AKIP1: variants seen among roughly 807,000 people sequenced by gnomAD.
AKIP1 encodes the protein A-kinase interacting protein 1, also known as A-kinase-interacting protein 1.
Under a neutral mutation model 22.3 loss-of-function variants are expected in AKIP1, and 18 were observed. The observed-to-expected ratio is 0.81, with a 90% confidence interval of 0.56 to 1.19. The LOEUF (loss-of-function observed/expected upper bound fraction) is 1.19. Among genes scored for constraint, AKIP1 ranks in the 50% most tolerant of loss-of-function variants. The pLI is 0.00. For synonymous variants in AKIP1, 120 were observed against 102.7 expected (o/e 1.17, Z -1.02); for missense variants, 287 against 264.6 (o/e 1.08, Z -0.59).
intron 3 of AKIP1, 55 bp downstream of exon 3, chr11:8,912,588 G>C: frequency 1.4e-6 from 2 of 1,472,110 alleles, no homozygotes; most frequent in Non-Finnish European, 1.9e-6. Context: ...GACCACATTT[G>C]GATCTTTCTG....
In AKIP1 at chr11:8,919,554, A is replaced by G. The variant is rs2064545747; in HGVS notation, c.*74A>G. On this transcript the variant is annotated 3_prime_UTR_variant, in exon 6 of 6. Coordinates refer to ENST00000309377, the MANE Select transcript of AKIP1 (RefSeq NM_020642.4). Reference sequence around the variant, plus strand: ...AAAGCCACTGTATGATTCTCTTAATAGCTATACATTAATCCTGTTTTTAGT... The same window carrying G: ...AAAGCCACTGTATGATTCTCTTAATGGCTATACATTAATCCTGTTTTTAGT... 6.6e-7 allele frequency: 1 copy of G among 1,507,228 alleles called. No individual in the cohort carries two copies. Among genetic ancestry groups the G allele is most frequent in the Non-Finnish European group, 9.1e-7 (1 of 1,103,702 alleles). 93.4% of individuals were successfully genotyped at this position (1,507,228 alleles called of 1,614,324 possible).
rs1566108510 is a variant in AKIP1, at chr11:8,919,537, T to C, written c.*57T>C. 1.3e-6 allele frequency: 2 copies of C among 1,567,782 alleles called. No individual in the cohort carries two copies. The highest frequency in any genetic ancestry group is 1.7e-6 in the Non-Finnish European group (2 of 1,149,542). On this transcript the variant is annotated 3_prime_UTR_variant, in exon 6 of 6. Transcript: ENST00000309377. ...TTTTAAGTAGTAAGAATAAAGCCAC[T>C]GTATGATTCTCTTAATAGCTATACA...
rs2064539561 is a variant in AKIP1 at position 8,919,347 on chromosome 11, T to TAGA, written c.500_501insAGA (p.Ile167_Ser168insAsp). ...CTCTTTTCCTTCTAGGCTGAGAACA[T>TAGA]CTCTAAGGACCTCTACATAGAAGTA... On this transcript the variant is annotated inframe_insertion, in exon 6 of 6. Transcript: ENST00000309377. The TAGA allele has an allele frequency of 6.2e-7, 1 of 1,613,116 alleles. No homozygotes were observed. Among genetic ancestry groups the TAGA allele is most frequent in the East Asian group, 2.2e-5 (1 of 44,868 alleles).
chr11:8,919,198 C>G, intron 5 of AKIP1, 139 bp from the exon 6 acceptor site: 1 of 771,318 alleles, frequency 1.3e-6, no homozygotes. Flanking sequence ...GCAGGCTGAG[C>G]CTTGAAAGCA....
rs539502558 is a variant in AKIP1 at position 8,911,746 on chromosome 11, C to T, written c.222+75C>T. 1.2e-5 allele frequency: 16 copies of T among 1,386,772 alleles called. No individual in the cohort carries two copies. In the East Asian group the frequency reaches 3.8e-4, roughly 33 times the overall value. 85.9% of individuals were successfully genotyped at this position (1,386,772 alleles called of 1,614,324 possible). On this transcript the variant is annotated intron_variant, in intron 2 of 5. Transcript: ENST00000309377. ...CCCGCTGGGAGCCAGGGGTGCGCAG[C>T]GCAGAAGCAGCTGAGGAAACCTTCC...
intron 3 of AKIP1, among the ~76,000 whole-genome samples, chr11:8,912,818 CT>C (rs1173979356): frequency 6.8e-6 from 1 of 147,144 alleles, no homozygotes; most frequent in African/African-American, 2.5e-5. Context: ...GGGAAAATAG[CT>C]TATTTGCCGA....
chr11:8,911,896 T>TAAAA (rs34044522), intron 2 of AKIP1, among the ~76,000 whole-genome samples: 14 of 144,846 alleles, frequency 9.7e-5, no homozygotes, highest in African/African-American at 2.5e-4. Flanking sequence ...GTTGGTTACT[T>TAAAA]AAAAAAAAAA....
At chr11:8,913,268 C>T (rs1481900064) in intron 3 of AKIP1, among the ~76,000 whole-genome samples, 1 of 150,354 alleles carries the variant, frequency 6.7e-6, no homozygotes, top group African/African-American at 2.5e-5. Context: ...GCAACCCCTA[C>T]CTCCTGGCCT....
intron 3 of AKIP1, among the ~76,000 whole-genome samples, chr11:8,912,805 G>T (rs931962760): frequency 6.6e-6 from 1 of 151,668 alleles, no homozygotes; most frequent in Non-Finnish European, 1.5e-5. Context: ...TCAGTCTAGT[G>T]GGGGGAAAAT....
intron 3 of AKIP1, 24 bp from the exon 4 acceptor site, chr11:8,914,802 A>C: frequency 6.4e-7 from 1 of 1,565,200 alleles, no homozygotes; most frequent in Non-Finnish European, 8.8e-7. Flanking sequence ...TGGTTAGCTA[A>C]CATCTTTGAC....
chr11:8,915,819 CTTTT>C (rs1258666817), intron 4 of AKIP1, among the ~76,000 whole-genome samples: 4 of 124,018 alleles, frequency 3.2e-5, no homozygotes, highest in South Asian at 5.6e-4. Flanking sequence ...ATTTTTCTTT[CTTTT>C]TTTTTTTTTT....
rs904497002 is a variant in AKIP1 at position 8,919,653 on chromosome 11, T to G, written c.*173T>G. The G allele has an allele frequency of 1.3e-4, 88 of 682,982 alleles. No homozygotes were observed. The highest frequency in any genetic ancestry group is 1.8e-4 in the Non-Finnish European group (75 of 420,222). The allele number at this position is 682,982 out of a possible 1,614,324, so 42.3% of individuals were successfully genotyped here. On this transcript the variant is annotated 3_prime_UTR_variant, in exon 6 of 6. Transcript: ENST00000309377. ...TTTTTTGTTTGTTTGGTTGGTTTTTTTTTGAGACAGTCTCACTCTGTTGCC... is the reference window on the plus strand; with the variant it reads ...TTTTTTGTTTGTTTGGTTGGTTTTTGTTTGAGACAGTCTCACTCTGTTGCC...
chr11:8,911,234 T>C lies in AKIP1; in HGVS notation c.-7+11T>C. The stretch of plus-strand genomic sequence containing the variant: ...TGACGAGTGAGCCGGGTGAGGGGGC[T>C]CCCTAAGTAGCGGAAGGGGTAGATG... On this transcript the variant is annotated intron_variant, in intron 1 of 5. Coordinates refer to ENST00000309377, the MANE Select transcript of AKIP1 (RefSeq NM_020642.4). The C allele has an allele frequency of 1.8e-6, 1 of 563,618 alleles. No homozygotes were observed. The highest frequency in any genetic ancestry group is 2.3e-5 in the South Asian group (1 of 43,876). The allele number at this position is 563,618 out of a possible 1,614,324, so 34.9% of individuals were successfully genotyped here. A position where few individuals can be genotyped will look rare whatever the true frequency, so the allele number is the denominator to read the frequency against.
intron 2 of AKIP1, 119 bp downstream of exon 2, chr11:8,911,790 G>C (rs1287216620): frequency 1.8e-5 from 18 of 1,028,016 alleles, no homozygotes; most frequent in Non-Finnish European, 2.5e-5. Flanking sequence ...AAGCTGGAAA[G>C]GATCAGAACA....
chr11:8,911,715 C>T, intron 2 of AKIP1, 44 bp downstream of exon 2: 2 of 1,456,572 alleles, frequency 1.4e-6, no homozygotes, highest in Non-Finnish European at 9.1e-7. Context: ...CTTCGCGCCG[C>T]GGTAGCCCGC....
chr11:8,912,780 G>C (rs1365154769), intron 3 of AKIP1, among the ~76,000 whole-genome samples: 1 of 151,468 alleles, frequency 6.6e-6, no homozygotes, highest in Non-Finnish European at 1.5e-5. Flanking sequence ...AAGGTCTTCT[G>C]CCCTCAGTGA....
chr11:8,916,268 A>G (rs1178880817), intron 4 of AKIP1, among the ~76,000 whole-genome samples: 1 of 152,118 alleles, frequency 6.6e-6, no homozygotes, highest in Non-Finnish European at 1.5e-5. Flanking sequence ...TGTCTTTCAT[A>G]ATTTTTAAAA....
intron 2 of AKIP1, 31 bp from the exon 3 acceptor site, chr11:8,912,422 C>T (rs776374830): frequency 6.3e-7 from 1 of 1,578,930 alleles, no homozygotes; most frequent in South Asian, 1.1e-5. Context: ...AATCCTAGAG[C>T]TAACCTGTGA....
In AKIP1 at chr11:8,911,245, C is replaced by A. The variant is rs1411981998; in HGVS notation, c.-7+22C>A. On this transcript the variant is annotated intron_variant, in intron 1 of 5. Transcript: ENST00000309377. ...CCGGGTGAGGGGGCTCCCTAAGTAGCGGAAGGGGTAGATGAAAATGGAAGG... is the reference window on the plus strand; with the variant it reads ...CCGGGTGAGGGGGCTCCCTAAGTAGAGGAAGGGGTAGATGAAAATGGAAGG... 6.9e-6 allele frequency: 4 copies of A among 576,086 alleles called. No homozygotes were observed. The African/African-American group carries it at 7.5e-5, about 11-fold the overall frequency. The allele number at this position is 576,086 out of a possible 1,614,324, so 35.7% of individuals were successfully genotyped here.
Sources: gnomAD v4.1 joint callset for allele counts (sites outside exome capture counted in the v4.1 genomes callset) on GRCh38, gnomAD v4.1.1 for gene constraint, MANE v1.5 for transcripts, NCBI Gene and HGNC (gene_info 2026-07-23, HGNC 2026-07-21) for gene names.